ERG: variants seen among roughly 807,000 people sequenced by gnomAD.
The protein encoded by ERG is transcriptional regulator ERG.
In ERG, 9 loss-of-function variants were observed where a neutral mutation model predicts 55.3. The observed-to-expected ratio is 0.16, with a 90% CI of 0.10 to 0.28. ERG has a LOEUF of 0.28. Among genes scored for constraint, ERG ranks in the 10% least tolerant of loss-of-function variants. The probability of loss-of-function intolerance (pLI) is 1.00; values close to 1 mark genes in which losing one functional copy is unlikely to be tolerated. For missense variants in ERG, 434 were observed against 631.6 expected, an observed-to-expected ratio of 0.69 and a Z score of 3.35; for synonymous variants, 223 against 237.3, an observed-to-expected ratio of 0.94 and a Z score of 0.55.
intron 3 of ERG, among the ~76,000 whole-genome samples, chr21:38,414,516 C>A (rs1258083251): frequency 6.6e-6 from 1 of 152,190 alleles, no homozygotes; most frequent in Non-Finnish European, 1.5e-5. Flanking sequence ...AGAAGAACTG[C>A]ACTTTTTATC....
At chr21:38,566,925 G>C (rs1040428737) in intron 2 of ERG, among the ~76,000 whole-genome samples, 4 of 152,156 alleles carry the variant, frequency 2.6e-5, no homozygotes, top group Non-Finnish European at 5.9e-5. Flanking sequence ...TGCCCCAGAG[G>C]GGGTCTAGGC....
At chr21:38,461,662 T>A (rs1445484553) in intron 1 of ERG, among the ~76,000 whole-genome samples, 5 of 152,198 alleles carry the variant, frequency 3.3e-5, no homozygotes, top group Non-Finnish European at 7.3e-5. Context: ...GATCTGAGAA[T>A]CCAGCTGCCT....
chr21:38,588,478 A>C (rs2060080543), upstream of ERG, among the ~76,000 whole-genome samples: 1 of 152,200 alleles, frequency 6.6e-6, no homozygotes, highest in Admixed American at 6.5e-5. Flanking sequence ...AAAGCTGAAC[A>C]CATCTGAGTA....
intron 1 of ERG, among the ~76,000 whole-genome samples, chr21:38,618,065 A>C (rs2060269043): frequency 6.6e-6 from 1 of 152,170 alleles, no homozygotes; most frequent in Non-Finnish European, 1.5e-5. Context: ...AACTTTGCCC[A>C]CTTGACAATG....
At chr21:38,426,429 C>CT (rs1453877880) in intron 2 of ERG, among the ~76,000 whole-genome samples, 1 of 152,132 alleles carries the variant, frequency 6.6e-6, no homozygotes, top group East Asian at 1.9e-4. Flanking sequence ...GGATTAGGTT[C>CT]TTTAGGAAAA....
At chr21:38,643,182 C>T (rs1049354387) in intron 1 of ERG, among the ~76,000 whole-genome samples, 1 of 152,170 alleles carries the variant, frequency 6.6e-6, no homozygotes, top group Non-Finnish European at 1.5e-5. Context: ...TCCCACGTGG[C>T]ACAATACACG....
At chr21:38,429,593 ATG>A (rs376270785) in intron 2 of ERG, among the ~76,000 whole-genome samples, 1,059 of 13,590 alleles carry the variant, frequency 0.078, 276 homozygotes, top group South Asian at 0.34. Context: ...ATATGTGTAT[ATG>A]TACATGTATA....
rs1240669314 is a variant in ERG, at chr21:38,424,181, GCTCGAGCTCTCT to G, written c.237-632_237-621del. Among the ~76,000 whole-genome samples the G allele has an allele frequency of 2.0e-3, 179 of 88,042 alleles. 3 individuals carry two copies. The highest frequency in any genetic ancestry group is 4.2e-3 in the African/African-American group (98 of 23,064). The allele number at this position is 88,042 out of a possible 152,430, so 57.8% of individuals were successfully genotyped here. ...CTTATTAGAAAAGAAAGAGACCAGA[GCTCGAGCTCTCT>G]CTCTCTCTCTCTCTCTCTCTCTCTC... On this transcript the variant is annotated intron_variant, in intron 2 of 9. Coordinates refer to ENST00000288319, the MANE Select transcript of ERG (RefSeq NM_182918.4).
At chr21:38,473,426 CATAT>C (rs72247853) in intron 1 of ERG, among the ~76,000 whole-genome samples, 1 of 148,688 alleles carries the variant, frequency 6.7e-6, no homozygotes, top group Non-Finnish European at 1.5e-5. Context: ...TATATATATA[CATAT>C]ATATATATAT....
rs555891029 is a variant in ERG at position 38,657,825 on chromosome 21, A to G, written c.-150+3833T>C. Among the ~76,000 whole-genome samples, 6 of 152,292 alleles carry G rather than the reference A, an allele frequency of 3.9e-5. No individual in the cohort carries two copies. In the East Asian group the frequency reaches 1.2e-3, roughly 29 times the overall value. ...GGGAAATACCAGGGAGAATGCTATC[A>G]TGCAAGGAACAGCAACAATATGGAG... On this transcript the variant is annotated intron_variant, in intron 1 of 10. Transcript: ENST00000398910.
intron 2 of ERG, among the ~76,000 whole-genome samples, chr21:38,442,106 C>T (rs996609415): frequency 2.0e-5 from 3 of 152,164 alleles, no homozygotes; most frequent in African/African-American, 7.2e-5. Context: ...CCATTGTTTC[C>T]TTGAAAGAAA....
chr21:38,635,798 G>T (rs563624526), intron 1 of ERG, among the ~76,000 whole-genome samples: 2 of 152,306 alleles, frequency 1.3e-5, no homozygotes, highest in Admixed American at 6.5e-5. Flanking sequence ...TACCACCTAT[G>T]TCCAAACATA....
At chr21:38,595,117 C>A (rs563798911) in intron 1 of ERG, among the ~76,000 whole-genome samples, 6 of 146,932 alleles carry the variant, frequency 4.1e-5, no homozygotes, top group Non-Finnish European at 9.1e-5. Context: ...AGGGCCAAGA[C>A]GTGGGGAGAG....
At chr21:38,497,868 G>A (rs777854705) in intron 1 of ERG, among the ~76,000 whole-genome samples, 5 of 152,270 alleles carry the variant, frequency 3.3e-5, no homozygotes, top group South Asian at 2.1e-4. Flanking sequence ...CAACATTTGC[G>A]TCCCATTACC....
chr21:38,661,031 G>A (rs2060552267), intron 1 of ERG, among the ~76,000 whole-genome samples: 1 of 151,830 alleles, frequency 6.6e-6, no homozygotes, highest in South Asian at 2.1e-4. Flanking sequence ...GGAGGAGGAG[G>A]AAGAGGAGGA....
At chr21:38,496,338 G>A (rs1380428788) in intron 1 of ERG, among the ~76,000 whole-genome samples, 1 of 152,054 alleles carries the variant, frequency 6.6e-6, no homozygotes, top group Non-Finnish European at 1.5e-5. Context: ...CTCTATGGGG[G>A]GCTGTTTCCT....
chr21:38,432,853 TC>T (rs1990280627), intron 2 of ERG, among the ~76,000 whole-genome samples: 1 of 152,152 alleles, frequency 6.6e-6, no homozygotes, highest in African/African-American at 2.4e-5. Flanking sequence ...GCTTGGTAAA[TC>T]CGTGTGAGGA....
At chr21:38,617,133 T>C (rs2146937093) in intron 1 of ERG, among the ~76,000 whole-genome samples, 1 of 152,344 alleles carries the variant, frequency 6.6e-6, no homozygotes, top group Admixed American at 6.5e-5. Context: ...GGCTGTGTCT[T>C]GGTAAATGTC....
At chr21:38,415,970 C>G (rs544380261) in intron 3 of ERG, among the ~76,000 whole-genome samples, 2 of 152,212 alleles carry the variant, frequency 1.3e-5, no homozygotes, top group African/African-American at 4.8e-5. Context: ...ATAAATAACT[C>G]ACGCTAAGAG....
Sources: gnomAD v4.1 joint callset for allele counts (sites outside exome capture counted in the v4.1 genomes callset) on GRCh38, gnomAD v4.1.1 for gene constraint, MANE v1.5 for transcripts, NCBI Gene and HGNC (gene_info 2026-07-23, HGNC 2026-07-21) for gene names.